DDAH1: variants seen among roughly 807,000 people sequenced by gnomAD.
DDAH1 encodes dimethylarginine dimethylaminohydrolase 1.
DDAH1 carries 19 observed loss-of-function variants against 28.8 expected under a neutral mutation model. The observed-to-expected ratio is 0.66, with a 90% CI of 0.46 to 0.97. The LOEUF (loss-of-function observed/expected upper bound fraction) is 0.97, where lower values mean the gene tolerates loss of function less well. DDAH1 is among the 50% of genes least tolerant of loss of function. DDAH1 has a pLI of 0.00. For synonymous variants in DDAH1, 153 were observed against 154.4 expected, an observed-to-expected ratio of 0.99 and a Z score of 0.07; for missense variants, 326 against 375.9, an observed-to-expected ratio of 0.87 and a Z score of 1.10.
At chr1:85,486,854 A>G (rs1656222664) in intron 2 of DDAH1, among the ~76,000 whole-genome samples, 2 of 152,234 alleles carry the variant, frequency 1.3e-5, no homozygotes, top group African/African-American at 2.4e-5. Flanking sequence ...AAACAGCTCA[A>G]AATGAGCAGA....
intron 1 of DDAH1, among the ~76,000 whole-genome samples, chr1:85,393,134 A>C (rs767025861): frequency 2.6e-5 from 4 of 152,020 alleles, no homozygotes; most frequent in Non-Finnish European, 4.4e-5. Context: ...TGCACAAGAC[A>C]CTCCTTAATA....
At chr1:85,523,128 T>A (rs1657748291) in intron 1 of DDAH1, among the ~76,000 whole-genome samples, 2 of 151,884 alleles carry the variant, frequency 1.3e-5, no homozygotes. Context: ...AGTTGCTTCT[T>A]GAATGGCCTG....
At chr1:85,538,864 T>C (rs1368997746) in intron 1 of DDAH1, among the ~76,000 whole-genome samples, 1 of 152,230 alleles carries the variant, frequency 6.6e-6, no homozygotes. Flanking sequence ...CTCTACACTG[T>C]TGGCCAGCTT....
chr1:85,540,477 A>G (rs1358041611), intron 1 of DDAH1, among the ~76,000 whole-genome samples: 1 of 152,104 alleles, frequency 6.6e-6, no homozygotes, highest in African/African-American at 2.4e-5. Flanking sequence ...TACATTTTGC[A>G]CTCTTGTATG....
chr1:85,536,805 A>G (rs1570653657), intron 1 of DDAH1, among the ~76,000 whole-genome samples: 1 of 151,916 alleles, frequency 6.6e-6, no homozygotes, highest in South Asian at 2.1e-4. Context: ...AAATCCCACT[A>G]CTGGGTATTA....
chr1:85,571,973 C>A (rs569920092), intron 1 of DDAH1, among the ~76,000 whole-genome samples: 7 of 152,202 alleles, frequency 4.6e-5, no homozygotes, highest in Admixed American at 4.6e-4. Context: ...ATGCAGGGTG[C>A]GCTTGGCAGG....
chr1:85,382,131 C>T (rs971956539), intron 1 of DDAH1, among the ~76,000 whole-genome samples: 1 of 152,180 alleles, frequency 6.6e-6, no homozygotes, highest in African/African-American at 2.4e-5. Context: ...AAAGCTAGGC[C>T]TCTCATGCCA....
chr1:85,344,838 CTT>C (rs1480607403), intron 4 of DDAH1, among the ~76,000 whole-genome samples: 1 of 152,070 alleles, frequency 6.6e-6, no homozygotes, highest in Non-Finnish European at 1.5e-5. Context: ...TAGATTTACT[CTT>C]TCTTATGTCT....
chr1:85,574,814 G>A (rs1431581374), intron 1 of DDAH1, among the ~76,000 whole-genome samples: 4 of 152,196 alleles, frequency 2.6e-5, no homozygotes, highest in Non-Finnish European at 5.9e-5. Context: ...GGGAGGCCGA[G>A]GCGGGTGGAT....
chr1:85,464,957 A>G lies in DDAH1; in HGVS notation c.89T>C (p.Leu30Pro), dbSNP rs1195109597. 14 of 1,496,790 alleles carry G rather than the reference A, an allele frequency of 9.4e-6. No homozygotes were observed. The highest frequency in any genetic ancestry group is 4.3e-5 in the African/African-American group (3 of 69,240). 92.7% of individuals were successfully genotyped at this position (1,496,790 alleles called of 1,614,324 possible). A position where few individuals can be genotyped will look rare whatever the true frequency, so the allele number is the denominator to read the frequency against. ...CACCTCCTCGCCCTTGGCGCTTCTC[A>G]GCGCGTGCTGGCCGAGCGACTCGGG... Reference protein sequence around the residue: ...ALPESLGQHALRSAKGEEVDV... With the variant: ...ALPESLGQHAPRSAKGEEVDV... The change falls in exon 1 of 6, where the codon CTG becomes CCG. Residue 30 changes from leucine (L) to proline (P), a missense_variant. Leu to Pro is a moderately conservative substitution (Grantham distance 98, BLOSUM62 -3). Transcript: ENST00000284031. The surrounding 1 kb of genome is among the most constrained non-coding windows in gnomAD (Gnocchi z 4.4).
At chr1:85,385,167 G>C (rs1651191373) in intron 1 of DDAH1, among the ~76,000 whole-genome samples, 1 of 152,186 alleles carries the variant, frequency 6.6e-6, no homozygotes, top group Non-Finnish European at 1.5e-5. Flanking sequence ...GAGTAAGACA[G>C]ACTTGGTCTG....
chr1:85,389,557 C>CTCTCATCATGATGGGCTTTA (rs928713380), intron 1 of DDAH1, among the ~76,000 whole-genome samples: 1 of 152,122 alleles, frequency 6.6e-6, no homozygotes, highest in Non-Finnish European at 1.5e-5. Flanking sequence ...AGTTGAAATC[C>CTCTCATCATGATGGGCTTTA]TCTCATCATG....
intron 2 of DDAH1, among the ~76,000 whole-genome samples, chr1:85,479,159 CTTTTT>C (rs35629726): frequency 7.6e-5 from 6 of 78,618 alleles, no homozygotes; most frequent in African/African-American, 2.7e-4. Context: ...TTCTGTTTTT[CTTTTT>C]TTTTTTTTTT....
intron 1 of DDAH1, among the ~76,000 whole-genome samples, chr1:85,444,275 T>C (rs534372095): frequency 2.6e-5 from 4 of 152,352 alleles, no homozygotes; most frequent in South Asian, 4.1e-4. Context: ...GAGATAATCA[T>C]GTGGCTTTTG....
chr1:85,404,520 A>T (rs1360459856), intron 1 of DDAH1: 28 of 1,418,584 alleles, frequency 2.0e-5, no homozygotes, highest in Non-Finnish European at 2.5e-5. Context: ...CCATGGAGCA[A>T]ATAATAACAC....
rs139782936 is a variant in DDAH1 at position 85,352,248 on chromosome 1, G to A, written c.404-669C>T. ...GCAGGTGAATTTTCATGTTTACAGG[G>A]TCCCAGTCTGAGCAAGTGTGGGTGT... On this transcript the variant is annotated intron_variant, in intron 2 of 5. Transcript: ENST00000284031. Among the ~76,000 whole-genome samples the A allele has an allele frequency of 4.5e-3, 681 of 152,120 alleles. 2 individuals carry two copies. The highest frequency in any genetic ancestry group is 0.016 in the African/African-American group (657 of 41,504).
chr1:85,419,104 T>A (rs1035926791), intron 1 of DDAH1, among the ~76,000 whole-genome samples: 1 of 152,122 alleles, frequency 6.6e-6, no homozygotes, highest in Non-Finnish European at 1.5e-5. Flanking sequence ...GCATGACAGA[T>A]GTGATTGCTT....
chr1:85,416,614 A>C (rs1652898155), intron 1 of DDAH1, among the ~76,000 whole-genome samples: 1 of 152,246 alleles, frequency 6.6e-6, no homozygotes, highest in Admixed American at 6.5e-5. Flanking sequence ...GAAAGAATTT[A>C]GAATAGTGTG....
intron 1 of DDAH1, among the ~76,000 whole-genome samples, chr1:85,460,524 G>T (rs572597340): frequency 6.6e-6 from 1 of 152,060 alleles, no homozygotes; most frequent in South Asian, 2.1e-4. Context: ...ACTAACACTT[G>T]GTACCTGGGA....
Sources: allele counts gnomAD v4.1 joint callset (sites outside exome capture counted in the v4.1 genomes callset), GRCh38; gene constraint gnomAD v4.1.1; non-coding constraint Gnocchi (gnomAD v3.1); transcripts MANE v1.5; gene names NCBI Gene and HGNC (gene_info 2026-07-23, HGNC 2026-07-21).